SSBP4: variants seen among roughly 807,000 people sequenced by gnomAD.
SSBP4 encodes the protein single stranded DNA binding protein 4, also known as single-stranded DNA-binding protein 4.
SSBP4 carries 33 observed loss-of-function variants against 64.6 expected under a neutral mutation model. The observed-to-expected ratio is 0.51, with a 90% CI of 0.39 to 0.68. The LOEUF is 0.68. Ranked by LOEUF, SSBP4 falls within the 30% of genes least tolerant of loss-of-function variation. The pLI, the probability that SSBP4 is intolerant of heterozygous loss-of-function variation, is 0.00. For synonymous variants in SSBP4, 243 were observed against 224.0 expected, an observed-to-expected ratio of 1.08 and a Z score of -0.76; for missense variants, 583 against 566.8, an observed-to-expected ratio of 1.03 and a Z score of -0.29.
chr19:18,406,481 TAA>T, the SSBP4 span, among the ~76,000 whole-genome samples: 1 of 151,720 alleles, frequency 6.6e-6, no homozygotes, highest in Non-Finnish European at 1.5e-5. Flanking sequence ...ACGTGCTGCC[TAA>T]AAAAGTTTTT....
chr19:18,405,995 A>G, the SSBP4 span, among the ~76,000 whole-genome samples: 1 of 151,498 alleles, frequency 6.6e-6, no homozygotes, highest in East Asian at 1.9e-4. Context: ...CGTCTAAAAA[A>G]AAAAAAAAAA....
chr19:18,405,379 C>A, the SSBP4 span, among the ~76,000 whole-genome samples: 1 of 152,018 alleles, frequency 6.6e-6, no homozygotes, highest in Non-Finnish European at 1.5e-5. Flanking sequence ...CCCTCCCCCA[C>A]GCCAGGCGTG....
chr19:18,432,438 C>A (rs1039603704), intron 10 of SSBP4, 121 bp from the exon 11 acceptor site: 2 of 1,438,160 alleles, frequency 1.4e-6, no homozygotes, highest in Middle Eastern at 2.6e-4. Flanking sequence ...ACTTTTCCAG[C>A]AACATCTGCT....
chr19:18,407,361 T>C, the SSBP4 span, among the ~76,000 whole-genome samples: 1 of 151,856 alleles, frequency 6.6e-6, no homozygotes, highest in Admixed American at 6.6e-5. Context: ...TTTAATAACA[T>C]GAGAAGACCT....
At chr19:18,422,695 G>A (rs1424174326) in intron 1 of SSBP4, among the ~76,000 whole-genome samples, 1 of 152,218 alleles carries the variant, frequency 6.6e-6, no homozygotes, top group South Asian at 2.1e-4. Flanking sequence ...CTGGGTGGGA[G>A]CCCGTAGGCA....
Position 18,428,001 on chromosome 19 carries a change from GA to G in SSBP4, c.279+20del, listed in dbSNP as rs1215343622. On this transcript the variant is annotated intron_variant, in intron 4 of 17. Coordinates refer to ENST00000270061, the MANE Select transcript of SSBP4 (RefSeq NM_032627.5). ...GGACTATGTGAGTCCTGGCCCCAGG[GA>G]CTCAGGGGCTCCAGGGCGGGAGGTG... 6.4e-7 allele frequency: 1 copy of G among 1,554,972 alleles called. No homozygotes were observed. The highest frequency in any genetic ancestry group is 1.1e-5 in the South Asian group (1 of 90,566).
rs1973816882 is a variant in SSBP4, at chr19:18,434,216, G to A, written c.1129-1G>A. ...CGCGCTGCCCCCTCCTCTCTCCGCA[G>A]TACTCGCCAGGGATGACCATGAGCG... is the stretch of plus-strand genomic sequence containing the variant. On this transcript the variant is annotated splice_acceptor_variant, in intron 17 of 17. Coordinates refer to ENST00000270061, the MANE Select transcript of SSBP4 (RefSeq NM_032627.5). LOFTEE classifies it high-confidence loss of function. The A allele has an allele frequency of 6.2e-7, 1 of 1,611,774 alleles. No individual in the cohort carries two copies. Among genetic ancestry groups the A allele is most frequent in the Non-Finnish European group, 8.5e-7 (1 of 1,179,564 alleles).
upstream of SSBP4, among the ~76,000 whole-genome samples, chr19:18,415,967 G>A (rs1406965005): frequency 6.6e-6 from 1 of 152,036 alleles, no homozygotes; most frequent in Non-Finnish European, 1.5e-5. Flanking sequence ...CAACCTCCCC[G>A]CCCCCTCTGT....
chr19:18,432,245 A>G lies in SSBP4; in HGVS notation c.704+31A>G, dbSNP rs1254192088. The G allele has an allele frequency of 2.5e-6, 4 of 1,606,060 alleles. 1 individual carries two copies. Among genetic ancestry groups the G allele is most frequent in the East Asian group, 4.5e-5 (2 of 44,682 alleles). On this transcript the variant is annotated intron_variant, in intron 10 of 17. Transcript: ENST00000270061. ...ACCCTGGGGGATCCTAGGAGTGTGC[A>G]GTTCGCAGGCCACCACCAGCTTCAT... is the stretch of plus-strand genomic sequence containing the variant.
chr19:18,433,193 A>G lies in SSBP4; in HGVS notation c.971A>G (p.His324Arg), dbSNP rs773027189. The part of the protein sequence containing the change: ...PMAAMSAMEP[H>R]HVNGSLGSGD... The stretch of plus-strand genomic sequence containing the variant: ...GCCGCCATGAGCGCGATGGAGCCTC[A>G]CCACGTGAACGGATCCCTGGGTGAG... Residue 324 changes from histidine to arginine, a missense_variant, in exon 15 of 18, where the codon CAC becomes CGC. Physicochemically the swap from His to Arg is conservative, Grantham distance 29. Transcript: ENST00000270061. 6.3e-7 allele frequency: 1 copy of G among 1,577,604 alleles called. No homozygotes were observed. Among genetic ancestry groups the G allele is most frequent in the Non-Finnish European group, 8.6e-7 (1 of 1,162,416 alleles).
chr19:18,421,556 A>T (rs1489774766), intron 1 of SSBP4, among the ~76,000 whole-genome samples: 1 of 152,202 alleles, frequency 6.6e-6, no homozygotes, highest in African/African-American at 2.4e-5. Context: ...GTGGCCCTGA[A>T]GAAGCCCCCA....
At chr19:18,405,327 C>G in the SSBP4 span, among the ~76,000 whole-genome samples, 1 of 152,106 alleles carries the variant, frequency 6.6e-6, no homozygotes. Flanking sequence ...CACCTCCATC[C>G]TCTCTGTGAC....
At chr19:18,421,694 G>A (rs779267119) in intron 1 of SSBP4, among the ~76,000 whole-genome samples, 1 of 152,228 alleles carries the variant, frequency 6.6e-6, no homozygotes, top group Non-Finnish European at 1.5e-5. Flanking sequence ...CCAGGAAAAG[G>A]AGCTGGGGCT....
the SSBP4 span, among the ~76,000 whole-genome samples, chr19:18,407,844 G>A: frequency 6.6e-6 from 1 of 152,122 alleles, no homozygotes; most frequent in Non-Finnish European, 1.5e-5. Flanking sequence ...CTCGGCTCAA[G>A]TGATCCTCCT....
chr19:18,429,055 C>T lies in SSBP4; in HGVS notation c.279+1073C>T, dbSNP rs561431480. 1.4e-4 allele frequency among the ~76,000 whole-genome samples: 22 copies of T among 152,312 alleles called. No homozygotes were observed. In the East Asian group the frequency reaches 4.1e-3, roughly 28 times the overall value. On this transcript the variant is annotated intron_variant, in intron 4 of 17. Coordinates refer to ENST00000270061, the MANE Select transcript of SSBP4 (RefSeq NM_032627.5). ...GCGCGCAGCGGTTACCATGGCAGCG[C>T]CGGCGCAGAGCGTAGACCGCAGGGC...
At chr19:18,419,805 G>GGAGCGCGAGCCT in intron 1 of SSBP4, 98 bp downstream of exon 1, 1 of 942,948 alleles carries the variant, frequency 1.1e-6, no homozygotes, top group Non-Finnish European at 1.3e-6. Context: ...CGGGCGGCGG[G>GGAGCGCGAGCCT]GAGCGCGAGC....
chr19:18,428,049 G>A, intron 4 of SSBP4, 67 bp downstream of exon 4: 5 of 1,458,938 alleles, frequency 3.4e-6, no homozygotes, highest in Non-Finnish European at 4.7e-6. Context: ...TGGCTGGGGA[G>A]GTGGGGTGGG....
intron 17 of SSBP4, 34 bp from the exon 18 acceptor site, chr19:18,434,183 G>T (rs1379106755): frequency 6.2e-7 from 1 of 1,609,100 alleles, no homozygotes; most frequent in Non-Finnish European, 8.5e-7. Context: ...AGCTGAACTC[G>T]GCCCCTGCGC....
the SSBP4 span, among the ~76,000 whole-genome samples, chr19:18,404,306 C>T: frequency 6.6e-6 from 1 of 151,946 alleles, no homozygotes; most frequent in Non-Finnish European, 1.5e-5. Context: ...CATTCAGAGA[C>T]ATCCAGGCTG....
Sources: gnomAD v4.1 joint callset for allele counts (sites outside exome capture counted in the v4.1 genomes callset) on GRCh38, gnomAD v4.1.1 for gene constraint, MANE v1.5 for transcripts, NCBI Gene and HGNC (gene_info 2026-07-23, HGNC 2026-07-21) for gene names.